PAX5: variants seen among roughly 807,000 people sequenced by gnomAD.
PAX5 encodes the protein paired box 5.
A neutral mutation model predicts 43.7 loss-of-function variants in PAX5; 9 were observed. The ratio of observed to expected loss-of-function variants is 0.21; its 90% CI spans 0.12 to 0.36. The LOEUF is 0.36. Among genes scored for constraint, PAX5 ranks in the 10% least tolerant of loss-of-function variants. The pLI is 1.00. For synonymous variants in PAX5, 228 were observed against 214.3 expected (o/e 1.06, Z -0.56); for missense variants, 383 against 532.7 (o/e 0.72, Z 2.77).
chr9:36,894,187 C>G (rs753954984), intron 7 of PAX5, among the ~76,000 whole-genome samples: 1 of 152,172 alleles, frequency 6.6e-6, no homozygotes, highest in African/African-American at 2.4e-5. Flanking sequence ...AGTCCCGGGG[C>G]TGGTCCGAAA....
At chr9:36,948,790 T>G (rs1832761269) in intron 6 of PAX5, among the ~76,000 whole-genome samples, 1 of 151,780 alleles carries the variant, frequency 6.6e-6, no homozygotes. Flanking sequence ...TTAGCCACTT[T>G]GTCTCCCTGC....
rs1826554337 is a variant in PAX5, at chr9:36,882,699, T to G, written c.911-594A>C. ...TTTCCTCCTTTGGCCTAGAGCTGTT[T>G]CTTCATTCAGTGAAGATGCAGGAAG... On this transcript the variant is annotated intron_variant, in intron 7 of 9. Transcript: ENST00000358127. The surrounding 1 kb of genome is among the most constrained non-coding windows in gnomAD (Gnocchi z 4.4). 6.6e-6 allele frequency among the ~76,000 whole-genome samples: 1 copy of G among 152,252 alleles called. No individual in the cohort carries two copies.
chr9:36,874,146 AG>A (rs1318373605), intron 8 of PAX5, among the ~76,000 whole-genome samples: 1 of 152,140 alleles, frequency 6.6e-6, no homozygotes, highest in Non-Finnish European at 1.5e-5. Context: ...TATCTCACAC[AG>A]GCGGTGTCTC....
At chr9:37,031,692 C>T (rs1326120552) in intron 1 of PAX5, among the ~76,000 whole-genome samples, 1 of 151,834 alleles carries the variant, frequency 6.6e-6, no homozygotes, top group South Asian at 2.1e-4. Context: ...CTCTCCGAAC[C>T]TCTGAGTTTC....
At chr9:36,883,251 C>T (rs191833399) in intron 7 of PAX5, among the ~76,000 whole-genome samples, 1 of 152,320 alleles carries the variant, frequency 6.6e-6, no homozygotes, top group Non-Finnish European at 1.5e-5. Flanking sequence ...TGCTGTTACA[C>T]ATGCTTTAAA....
intron 6 of PAX5, among the ~76,000 whole-genome samples, chr9:36,951,841 T>A (rs1035463748): frequency 2.6e-5 from 4 of 152,258 alleles, no homozygotes; most frequent in Non-Finnish European, 5.9e-5. Context: ...ACATTATGCA[T>A]TCTATTACCA....
intron 6 of PAX5, among the ~76,000 whole-genome samples, chr9:36,961,578 A>G (rs1345095023): frequency 6.6e-6 from 1 of 152,252 alleles, no homozygotes; most frequent in Admixed American, 6.5e-5. Flanking sequence ...AATTAAAATG[A>G]ACTCCATTTG....
chr9:36,836,752 C>T lies in PAX5; in HGVS notation c.*3808G>A, dbSNP rs1445538083. Reference sequence around the variant, plus strand: ...CTCCTGCATACTGTCACAGCCAGGCCTGGAGCCTGTTCCAAAGTGCGAAGG... The same window carrying T: ...CTCCTGCATACTGTCACAGCCAGGCTTGGAGCCTGTTCCAAAGTGCGAAGG... On this transcript the variant is annotated 3_prime_UTR_variant, in exon 10 of 10. Transcript: ENST00000358127. The T allele has an allele frequency of 8.6e-6, 2 of 232,222 alleles. No individual in the cohort carries two copies. The highest frequency in any genetic ancestry group is 1.1e-4 in the Admixed American group (2 of 17,740). 14.4% of individuals were successfully genotyped at this position (232,222 alleles called of 1,614,324 possible).
chr9:37,002,181 C>T (rs1455623756), intron 5 of PAX5, among the ~76,000 whole-genome samples: 1 of 152,182 alleles, frequency 6.6e-6, no homozygotes, highest in Non-Finnish European at 1.5e-5. Context: ...TCTGCTGAGA[C>T]GTGTGCAGGG....
intron 7 of PAX5, among the ~76,000 whole-genome samples, chr9:36,900,195 G>A (rs1339364641): frequency 1.3e-5 from 2 of 152,246 alleles, no homozygotes; most frequent in Non-Finnish European, 2.9e-5. Flanking sequence ...TCCCTTGCGT[G>A]AGGGTGCAGG....
At chr9:36,940,668 A>C (rs371164674) in intron 6 of PAX5, among the ~76,000 whole-genome samples, 1 of 151,980 alleles carries the variant, frequency 6.6e-6, no homozygotes, top group Non-Finnish European at 1.5e-5. Flanking sequence ...AACAGCAAGC[A>C]GGAGAAGGCA....
At chr9:36,842,617 G>A (rs2131576108) in intron 9 of PAX5, among the ~76,000 whole-genome samples, 1 of 152,272 alleles carries the variant, frequency 6.6e-6, no homozygotes, top group Non-Finnish European at 1.5e-5. Flanking sequence ...GAATAAACTT[G>A]TCCTTTCTTC....
intron 5 of PAX5, among the ~76,000 whole-genome samples, chr9:36,999,564 G>A (rs1837677571): frequency 6.6e-6 from 1 of 152,212 alleles, no homozygotes; most frequent in Admixed American, 6.5e-5. Context: ...GAACTAGGCA[G>A]CAGAGTAAGC....
chr9:36,877,800 T>C (rs1296740957), intron 8 of PAX5, among the ~76,000 whole-genome samples: 1 of 152,216 alleles, frequency 6.6e-6, no homozygotes, highest in East Asian at 1.9e-4. Flanking sequence ...AACCTGTGAA[T>C]GTGACTCCCC....
At chr9:37,000,268 C>T (rs1837736160) in intron 5 of PAX5, among the ~76,000 whole-genome samples, 1 of 152,194 alleles carries the variant, frequency 6.6e-6, no homozygotes. Flanking sequence ...CGTGCATACT[C>T]TCAGTGGTGT....
intron 7 of PAX5, among the ~76,000 whole-genome samples, chr9:36,899,995 G>A (rs1299428965): frequency 6.6e-6 from 1 of 152,194 alleles, no homozygotes; most frequent in East Asian, 1.9e-4. Flanking sequence ...GAAGAACAAG[G>A]CCCTCCTAAC....
chr9:36,854,650 C>T (rs1168842105), intron 8 of PAX5, among the ~76,000 whole-genome samples: 1 of 152,190 alleles, frequency 6.6e-6, no homozygotes, highest in East Asian at 1.9e-4. Context: ...AGGCTTCTCA[C>T]CGTTCCTCTC....
Position 36,937,034 on chromosome 9 carries a change from T to C in PAX5, c.781-13550A>G, listed in dbSNP as rs116830391. 2.9e-3 allele frequency among the ~76,000 whole-genome samples: 436 copies of C among 152,286 alleles called. 2 individuals are homozygous for C. The highest frequency in any genetic ancestry group is 9.7e-3 in the African/African-American group (402 of 41,550). ...CCAAACAAAAACTGTGCAAGGCAAC[T>C]ACCAGAAAGAGAAGGCTGCAAAGGC... On this transcript the variant is annotated intron_variant, in intron 6 of 9. Transcript: ENST00000358127.
intron 8 of PAX5, among the ~76,000 whole-genome samples, chr9:36,878,009 A>G (rs1826074787): frequency 6.6e-6 from 1 of 152,186 alleles, no homozygotes; most frequent in Non-Finnish European, 1.5e-5. Context: ...GGAGCAATGC[A>G]GCTGCAGCCA....
Sources: allele counts gnomAD v4.1 joint callset (sites outside exome capture counted in the v4.1 genomes callset), GRCh38; gene constraint gnomAD v4.1.1; non-coding constraint Gnocchi (gnomAD v3.1); transcripts MANE v1.5; gene names NCBI Gene and HGNC (gene_info 2026-07-23, HGNC 2026-07-21).